Variants in KIAA1210 observed in about 807,000 individuals in gnomAD.
KIAA1210 encodes the protein acrosomal protein KIAA1210.
KIAA1210 carries 48 observed loss-of-function variants against 78.9 expected under a neutral mutation model. The observed-to-expected ratio is 0.61, with a 90% CI of 0.48 to 0.77. The LOEUF is 0.77. Ranked by LOEUF, KIAA1210 falls within the 30% of genes least tolerant of loss-of-function variation. The pLI is 0.00. For missense variants in KIAA1210, 1,108 were observed against 1,100.0 expected (o/e 1.01, Z -0.10); for synonymous variants, 406 against 404.5 (o/e 1.00, Z -0.04).
In KIAA1210 at chrX:119,088,218, C is replaced by T; in HGVS notation, c.2484G>A (p.Glu828=). 1 of 1,211,550 alleles carries T rather than the reference C, an allele frequency of 8.3e-7. No homozygotes were observed. Among genetic ancestry groups the T allele is most frequent in the Non-Finnish European group, 1.1e-6 (1 of 895,273 alleles). The change falls in exon 9 of 12, where the codon GAG becomes GAA. Residue 828 remains glutamate (E), a synonymous_variant. Coordinates refer to ENST00000691062, the MANE Select transcript of KIAA1210 (RefSeq NM_001394962.1). ...KVQQNMFSGS[E]DIAVERVISV... ...AAATGACTCTCTCAACAGCAATGTC[C>T]TCTGAACCTGAGAACATGTTTTGTT... is the stretch of plus-strand genomic sequence containing the variant.
intron 6 of KIAA1210, among the ~76,000 whole-genome samples, chrX:119,101,725 T>G (rs1927740925): frequency 8.9e-6 from 1 of 111,932 alleles, no homozygotes; most frequent in East Asian, 2.8e-4. Context: ...TTCTTAGAGA[T>G]GGAATTTCTG....
chrX:119,131,163 A>G (rs1928780423), upstream of KIAA1210, among the ~76,000 whole-genome samples: 1 of 111,957 alleles, frequency 8.9e-6, no homozygotes, highest in Non-Finnish European at 1.9e-5. Flanking sequence ...TAATAGGATG[A>G]AATGTATTTC....
rs1196670185 is a variant in KIAA1210 at position 119,081,214 on chromosome X, C to A, written c.*115G>T. ...CCCGGGAGGCGGAGCTTGCAGTGAG[C>A]GGAGATCGCGCCACTGCACTCCAAT... On this transcript the variant is annotated 3_prime_UTR_variant, in exon 12 of 12. Transcript: ENST00000691062. The A allele has an allele frequency of 3.6e-6, 2 of 552,009 alleles. No individual in the cohort carries two copies. The highest frequency in any genetic ancestry group is 8.6e-5 in the East Asian group (2 of 23,319). The allele number at this position is 552,009 out of a possible 1,213,427, so 45.5% of individuals were successfully genotyped here.
chrX:119,124,955 C>T (rs781291881), intron 1 of KIAA1210, among the ~76,000 whole-genome samples: 5 of 107,707 alleles, frequency 4.6e-5, no homozygotes, highest in Non-Finnish European at 7.7e-5. Flanking sequence ...AACTAGAAAA[C>T]AATACTAGCA....
chrX:119,079,413 G>A lies in KIAA1210; in HGVS notation c.*1916C>T, dbSNP rs999209063. The A allele has an allele frequency of 8.9e-6, 1 of 111,908 alleles. No individual in the cohort carries two copies. The highest frequency in any genetic ancestry group is 1.9e-5 in the Non-Finnish European group (1 of 53,146). The allele number at this position is 111,908 out of a possible 1,213,427, so 9.2% of individuals were successfully genotyped here. The stretch of plus-strand genomic sequence containing the variant: ...GACATCCAAAGGGAGCTCTCCCTTA[G>A]TGTTTGGTGGGTTTGGGGGATGGAA... On this transcript the variant is annotated 3_prime_UTR_variant, in exon 12 of 12. Transcript: ENST00000691062.
chrX:119,133,693 T>C (rs1928848150), intron 2 of KIAA1210, among the ~76,000 whole-genome samples: 1 of 106,978 alleles, frequency 9.3e-6, no homozygotes, highest in Admixed American at 1.0e-4. Flanking sequence ...TTTTAAATAC[T>C]GTGTCTCGCT....
Position 119,093,741 on chromosome X carries a change from A to G in KIAA1210, c.881T>C (p.Leu294Ser). The G allele has an allele frequency of 8.3e-7, 1 of 1,209,562 alleles. No homozygotes were observed. Among genetic ancestry groups the G allele is most frequent in the Non-Finnish European group, 1.1e-6 (1 of 894,392 alleles). Residue 294 changes from leucine to serine, a missense_variant, in exon 8 of 12, where the codon TTG (leucine) becomes TCG (serine). Leu to Ser is a moderately radical substitution (Grantham distance 145). Coordinates refer to ENST00000691062, the MANE Select transcript of KIAA1210 (RefSeq NM_001394962.1). ...TATGCTCTTTTCTTCTTCAGAAACC[A>G]ATGGAAGGTTTGGCTCCTCCTCCTT... ...EPKEEEPNLP[L>S]VSEEEKSITK...
chrX:119,110,163 GTA>G (rs1195344486), intron 3 of KIAA1210, among the ~76,000 whole-genome samples: 1 of 111,842 alleles, frequency 8.9e-6, no homozygotes, highest in Admixed American at 9.5e-5. Context: ...AAAAAGAATT[GTA>G]TACCATGACA....
chrX:119,145,944 C>T (rs1342738589), intron 2 of KIAA1210, among the ~76,000 whole-genome samples: 2 of 111,851 alleles, frequency 1.8e-5, no homozygotes, highest in African/African-American at 6.5e-5. Context: ...CTGACTATAA[C>T]TATGGAATTG....
intron 2 of KIAA1210, among the ~76,000 whole-genome samples, chrX:119,134,267 ATCC>A (rs1201719510): frequency 8.9e-6 from 1 of 112,067 alleles, no homozygotes; most frequent in Admixed American, 9.4e-5. Context: ...TTAACATAAC[ATCC>A]TCCAGGCTCA....
chrX:119,132,107 CA>C (rs1338945337), upstream of KIAA1210, among the ~76,000 whole-genome samples: 1 of 111,103 alleles, frequency 9.0e-6, no homozygotes, highest in African/African-American at 3.3e-5. Context: ...CCTATAGCCT[CA>C]AAAAACTGAA....
At chrX:119,150,486 C>T in exon 1 of KIAA1210, 2 of 1,211,548 alleles carry the variant, frequency 1.7e-6, no homozygotes, top group Non-Finnish European at 2.2e-6. Context: ...GCCCCTCGGT[C>T]CCTGGGGCCC....
At chrX:119,150,088 A>G (rs1360958896) in intron 1 of KIAA1210, among the ~76,000 whole-genome samples, 2 of 112,286 alleles carry the variant, frequency 1.8e-5, no homozygotes, top group Non-Finnish European at 3.8e-5. Context: ...GAGCCTTGTA[A>G]AATCCAGGTT....
intron 2 of KIAA1210, among the ~76,000 whole-genome samples, chrX:119,119,393 A>G (rs921386993): frequency 8.9e-6 from 1 of 112,347 alleles, no homozygotes; most frequent in Non-Finnish European, 1.9e-5. Context: ...GCAATTTCTT[A>G]TCTACTAGAA....
chrX:119,136,729 A>G (rs1307219591), intron 2 of KIAA1210, among the ~76,000 whole-genome samples: 1 of 112,293 alleles, frequency 8.9e-6, no homozygotes, highest in African/African-American at 3.2e-5. Flanking sequence ...AACGCCTCCA[A>G]GAATCTGAGA....
chrX:119,092,770 A>G (rs1345846662), intron 8 of KIAA1210, among the ~76,000 whole-genome samples: 1 of 103,695 alleles, frequency 9.6e-6, no homozygotes. Context: ...TAAATAAATA[A>G]ATAAATAAAT....
intron 8 of KIAA1210, among the ~76,000 whole-genome samples, chrX:119,092,966 C>T (rs1272214647): frequency 9.0e-6 from 1 of 110,663 alleles, no homozygotes; most frequent in Non-Finnish European, 1.9e-5. Flanking sequence ...CGTAACATAA[C>T]TATTCAACTT....
intron 4 of KIAA1210, 102 bp from the exon 5 acceptor site, chrX:119,108,573 A>C (rs1258733361): frequency 2.0e-6 from 2 of 983,991 alleles, no homozygotes. Flanking sequence ...TGTTAAGAGA[A>C]GTGAATATAG....
At chrX:119,144,353 G>A (rs761037483) in intron 2 of KIAA1210, among the ~76,000 whole-genome samples, 3 of 112,528 alleles carry the variant, frequency 2.7e-5, no homozygotes, top group African/African-American at 9.7e-5. Context: ...TTTTACCAAG[G>A]CAGGACTTTT....
Sources: allele counts gnomAD v4.1 joint callset (sites outside exome capture counted in the v4.1 genomes callset), GRCh38; gene constraint gnomAD v4.1.1; transcripts MANE v1.5; gene names NCBI Gene and HGNC (gene_info 2026-07-23, HGNC 2026-07-21).